Variants in FAM234A observed in about 807,000 individuals in gnomAD.
FAM234A encodes protein FAM234A.
A neutral mutation model predicts 49.1 loss-of-function variants in FAM234A; 42 were observed. The ratio of observed to expected loss-of-function variants is 0.86; its 90% CI spans 0.67 to 1.11. The LOEUF is 1.11. Ranked by LOEUF, FAM234A falls within the 50% of genes least tolerant of loss-of-function variation. The pLI is 0.00. For missense variants in FAM234A, 815 were observed against 745.2 expected, an observed-to-expected ratio of 1.09 and a Z score of -1.09; for synonymous variants, 369 against 316.2, an observed-to-expected ratio of 1.17 and a Z score of -1.77.
chr16:258,068 C>T (rs914567710), intron 3 of FAM234A, among the ~76,000 whole-genome samples: 6 of 151,588 alleles, frequency 4.0e-5, no homozygotes, highest in Non-Finnish European at 8.8e-5. Context: ...ATTAGCCAGG[C>T]TTGTCTCGGA....
At chr16:246,016 T>G (rs2050789151) in intron 1 of FAM234A, among the ~76,000 whole-genome samples, 1 of 151,856 alleles carries the variant, frequency 6.6e-6, no homozygotes, top group African/African-American at 2.4e-5. Context: ...ACCAGCCTGA[T>G]CATCATGGTG....
chr16:254,549 C>A lies in FAM234A; in HGVS notation c.136C>A (p.Arg46=). 1.9e-6 allele frequency: 3 copies of A among 1,614,240 alleles called. No homozygotes were observed. Among genetic ancestry groups the A allele is most frequent in the Non-Finnish European group, 2.5e-6 (3 of 1,180,046 alleles). ...CGCGCCTCCACAGTCCCGGCTCTCC[C>A]GGTGCCGAGCGGCGGCGTTTTTTCT... The part of the protein sequence containing the change: ...KSAPPQSRLS[R]CRAAAFFLSL... The change falls in exon 3 of 13, where the codon CGG becomes AGG. Residue 46 remains arginine, a synonymous_variant. Transcript: ENST00000399932.
intron 9 of FAM234A, 58 bp downstream of exon 9, chr16:263,460 A>C: frequency 6.3e-7 from 1 of 1,590,802 alleles, no homozygotes; most frequent in Non-Finnish European, 8.5e-7. Context: ...CATCCCGGGC[A>C]CATCCCGTTG....
intron 1 of FAM234A, among the ~76,000 whole-genome samples, chr16:247,878 G>A (rs931930627): frequency 3.3e-5 from 5 of 152,056 alleles, no homozygotes; most frequent in African/African-American, 1.2e-4. Context: ...AATGTTCAGT[G>A]CCATTTTCTA....
At chr16:267,538 CACAT>C (rs1456459723), downstream of FAM234A, among the ~76,000 whole-genome samples, 1 of 152,116 alleles carries the variant, frequency 6.6e-6, no homozygotes, top group Non-Finnish European at 1.5e-5. Flanking sequence ...ACACACACCA[CACAT>C]GCATGCCTCA....
intron 1 of FAM234A, chr16:246,812 G>A (rs902076668): frequency 3.4e-5 from 5 of 148,678 alleles, no homozygotes; most frequent in African/African-American, 1.3e-4. Flanking sequence ...GTCTTGCTCT[G>A]TTGCCCAGGC....
intron 2 of FAM234A, among the ~76,000 whole-genome samples, chr16:252,126 G>C (rs952491968): frequency 1.2e-4 from 18 of 150,760 alleles, no homozygotes; most frequent in African/African-American, 4.4e-4. Flanking sequence ...GCCTCCCAAA[G>C]TACTGGCATT....
intron 1 of FAM234A, among the ~76,000 whole-genome samples, chr16:240,490 G>C (rs2142221981): frequency 6.6e-6 from 1 of 150,930 alleles, no homozygotes; most frequent in Admixed American, 6.6e-5. Context: ...TTGAGCCGCT[G>C]CATCTGGGTG....
intron 2 of FAM234A, 107 bp from the exon 3 acceptor site, chr16:254,274 A>C: frequency 2.4e-6 from 2 of 823,998 alleles, no homozygotes; most frequent in Non-Finnish European, 3.9e-6. Flanking sequence ...GCCCATAGTT[A>C]GAGCTGCAGC....
At chr16:268,667 C>A (rs2051780544), downstream of FAM234A, 4 of 1,198,746 alleles carry the variant, frequency 3.3e-6, no homozygotes, top group Non-Finnish European at 4.7e-6. Context: ...GCCGGCGCAC[C>A]TGTGGACAAA....
At chr16:235,499 G>T (rs1255827599) in intron 1 of FAM234A, among the ~76,000 whole-genome samples, 2 of 152,196 alleles carry the variant, frequency 1.3e-5, no homozygotes, top group African/African-American at 4.8e-5. Flanking sequence ...TTGGCCGAGA[G>T]TTGTCAAGGA....
At chr16:244,184 G>A (rs2050718694) in intron 1 of FAM234A, among the ~76,000 whole-genome samples, 2 of 152,080 alleles carry the variant, frequency 1.3e-5, no homozygotes, top group South Asian at 2.1e-4. Context: ...TAGCTAGGAT[G>A]GTCTCGATCT....
intron 8 of FAM234A, among the ~76,000 whole-genome samples, chr16:263,048 G>C (rs2051538795): frequency 6.6e-6 from 1 of 152,048 alleles, no homozygotes; most frequent in African/African-American, 2.4e-5. Context: ...TCGAACTTCT[G>C]ACCTCGTGAT....
chr16:265,635 C>T lies in FAM234A; in HGVS notation c.*613C>T, dbSNP rs1360885615. 2 of 985,414 alleles carry T rather than the reference C, an allele frequency of 2.0e-6. No homozygotes were observed. Among genetic ancestry groups the T allele is most frequent in the East Asian group, 2.3e-4 (2 of 8,812 alleles). The allele number at this position is 985,414 out of a possible 1,614,324, so 61.0% of individuals were successfully genotyped here. ...TGTGACTTGGTTCCTTTGACCAGGT[C>T]CTGTGAGGAAGCCTGGAGCAAGGGT... On this transcript the variant is annotated 3_prime_UTR_variant, in exon 13 of 13. Coordinates refer to ENST00000399932, the MANE Select transcript of FAM234A (RefSeq NM_032039.4).
downstream of FAM234A, chr16:266,253 C>A: frequency 4.4e-6 from 1 of 228,844 alleles, no homozygotes; most frequent in Non-Finnish European, 7.2e-6. Context: ...GCACCCCCAC[C>A]CAGACCTGCT....
At chr16:269,000 C>A, downstream of FAM234A, 1 of 1,460,012 alleles carries the variant, frequency 6.8e-7, no homozygotes, top group South Asian at 1.2e-5. Context: ...TCTCACCTCT[C>A]TTCAGGTAAC....
intron 2 of FAM234A, among the ~76,000 whole-genome samples, chr16:252,458 A>C (rs1478827336): frequency 6.6e-6 from 1 of 152,092 alleles, no homozygotes; most frequent in Non-Finnish European, 1.5e-5. Context: ...CTGGGATTAC[A>C]GCCGTGAGCC....
At chr16:257,325 A>C (rs1333232021) in intron 3 of FAM234A, among the ~76,000 whole-genome samples, 1 of 137,000 alleles carries the variant, frequency 7.3e-6, no homozygotes, top group Non-Finnish European at 1.5e-5. Flanking sequence ...GGCTCACTGC[A>C]ACCTCCACCT....
chr16:269,160 T>G (rs2051799700), downstream of FAM234A: 1 of 962,444 alleles, frequency 1.0e-6, no homozygotes, highest in African/African-American at 1.6e-5. Context: ...AAGGGGACAC[T>G]GGTGCTGGGT....
Sources: gnomAD v4.1 joint callset for allele counts (sites outside exome capture counted in the v4.1 genomes callset) on GRCh38, gnomAD v4.1.1 for gene constraint, MANE v1.5 for transcripts, NCBI Gene and HGNC (gene_info 2026-07-23, HGNC 2026-07-21) for gene names.